The following DAAM1 variants were observed in gnomAD, a reference collection of about 807,000 sequenced individuals.
DAAM1 encodes dishevelled associated activator of morphogenesis 1.
Under a neutral mutation model 130.0 loss-of-function variants are expected in DAAM1, and 52 were observed. The observed-to-expected ratio is 0.40, with a 90% CI of 0.32 to 0.50. The LOEUF is 0.50. DAAM1 is among the 20% of genes least tolerant of loss of function. The pLI is 0.61. For synonymous variants in DAAM1, 452 were observed against 444.5 expected, an observed-to-expected ratio of 1.02 and a Z score of -0.21; for missense variants, 1,134 against 1,303.8, an observed-to-expected ratio of 0.87 and a Z score of 2.01.
intron 1 of DAAM1, among the ~76,000 whole-genome samples, chr14:59,226,721 A>G (rs749944034): frequency 6.6e-6 from 1 of 152,156 alleles, no homozygotes; most frequent in African/African-American, 2.4e-5. Flanking sequence ...CTGCCTTTTC[A>G]TTTTTGCTGA....
chr14:59,229,700 GT>G (rs1889045251), intron 1 of DAAM1, among the ~76,000 whole-genome samples: 1 of 152,190 alleles, frequency 6.6e-6, no homozygotes, highest in Non-Finnish European at 1.5e-5. Flanking sequence ...AAATAAAGTA[GT>G]GTAAAACCTG....
At chr14:59,232,739 C>G (rs1015167789) in intron 1 of DAAM1, among the ~76,000 whole-genome samples, 10 of 151,358 alleles carry the variant, frequency 6.6e-5, no homozygotes, top group African/African-American at 2.2e-4. Context: ...AACCTGTCAT[C>G]GAGGTTTTGA....
At chr14:59,197,634 A>G (rs2139386758) in intron 1 of DAAM1, among the ~76,000 whole-genome samples, 1 of 152,350 alleles carries the variant, frequency 6.6e-6, no homozygotes, top group East Asian at 1.9e-4. Flanking sequence ...CTTGCCTATG[A>G]TATTTTCTGC....
At chr14:59,257,528 C>T (rs917087273) in intron 1 of DAAM1, among the ~76,000 whole-genome samples, 1 of 152,072 alleles carries the variant, frequency 6.6e-6, no homozygotes. Context: ...AGGAAGACAC[C>T]GCAGGCTGAG....
At chr14:59,260,024 A>G (rs945172751) in intron 1 of DAAM1, among the ~76,000 whole-genome samples, 2 of 152,188 alleles carry the variant, frequency 1.3e-5, no homozygotes, top group African/African-American at 4.8e-5. Context: ...AGCCTGGGCA[A>G]CAGAGCAAGA....
chr14:59,213,118 C>G (rs1416435789), intron 1 of DAAM1, among the ~76,000 whole-genome samples: 4 of 151,320 alleles, frequency 2.6e-5, no homozygotes, highest in Admixed American at 6.6e-5. Flanking sequence ...AGTTAAAGTT[C>G]TAAAGACGTA....
chr14:59,363,424 T>G, intron 22 of DAAM1: 3 of 461,596 alleles, frequency 6.5e-6, no homozygotes, highest in East Asian at 4.1e-5. Flanking sequence ...AGTACTTAGA[T>G]TGTTGGTAAA....
intron 1 of DAAM1, among the ~76,000 whole-genome samples, chr14:59,195,880 G>C (rs117377336): frequency 6.9e-6 from 1 of 145,964 alleles, no homozygotes; most frequent in South Asian, 2.1e-4. Context: ...GATTTTTTCT[G>C]TATCTTTTTT....
intron 1 of DAAM1, among the ~76,000 whole-genome samples, chr14:59,263,065 T>C (rs773351489): frequency 6.6e-6 from 1 of 152,206 alleles, no homozygotes; most frequent in Non-Finnish European, 1.5e-5. Flanking sequence ...GGAAGAGATC[T>C]CCTAGGGGGC....
In DAAM1 at chr14:59,263,624, T is replaced by C. The variant is rs34733575; in HGVS notation, c.147T>C (p.Pro49=). 2,231 of 1,614,138 alleles carry C rather than the reference T, an allele frequency of 1.4e-3. 34 individuals carry two copies. In the African/African-American group the frequency reaches 0.026, roughly 19 times the overall value. Residue 49 remains proline (P), a synonymous_variant, in exon 2 of 25, where the codon CCT becomes CCC. Coordinates refer to ENST00000360909, the MANE Select transcript of DAAM1 (RefSeq NM_001270520.2). The stretch of plus-strand genomic sequence containing the variant: ...TGGAACCAGCATTGCCCATGCCCCC[T>C]GTGGAGGAGCTGGATGTCATGTTCA... ...QTMEPALPMP[P]VEELDVMFSE...
At chr14:59,224,460 A>G (rs375910489) in intron 1 of DAAM1, among the ~76,000 whole-genome samples, 183 of 152,324 alleles carry the variant, frequency 1.2e-3, no homozygotes, top group African/African-American at 4.3e-3. Context: ...AGGCAGTTCT[A>G]ATGTCCATTT....
intron 1 of DAAM1, among the ~76,000 whole-genome samples, chr14:59,225,057 C>A (rs1003326771): frequency 1.8e-5 from 2 of 108,802 alleles, no homozygotes; most frequent in African/African-American, 7.5e-5. Context: ...GAGACGGAGT[C>A]TCCTTCTGTT....
At chr14:59,292,932 G>T (rs1341031076) in intron 3 of DAAM1, among the ~76,000 whole-genome samples, 2 of 152,118 alleles carry the variant, frequency 1.3e-5, no homozygotes, top group African/African-American at 4.8e-5. Context: ...CATGGCTCAA[G>T]AAACAAATAT....
intron 19 of DAAM1, 88 bp from the exon 20 acceptor site, chr14:59,355,077 G>A (rs897199320): frequency 1.0e-5 from 15 of 1,503,372 alleles, no homozygotes; most frequent in South Asian, 1.3e-5. Context: ...TATTAAGTGT[G>A]TGAATTTAGA....
At chr14:59,339,090 A>T (rs1381160384) in intron 15 of DAAM1, among the ~76,000 whole-genome samples, 10 of 152,210 alleles carry the variant, frequency 6.6e-5, no homozygotes, top group Non-Finnish European at 2.9e-5. Flanking sequence ...AGTACGTAGA[A>T]TTTTTAGAAC....
Position 59,241,432 on chromosome 14 carries a change from G to A in DAAM1, c.-37-22009G>A, listed in dbSNP as rs569711159. Among the ~76,000 whole-genome samples the A allele has an allele frequency of 3.3e-5, 5 of 152,242 alleles. No homozygotes were observed. The South Asian group carries it at 1.0e-3, about 32-fold the overall frequency. ...AGGAAAACATTGGTTTTTGAGACTT[G>A]GCTAAAATTATCTGTGTTTTTTAAA... On this transcript the variant is annotated intron_variant, in intron 1 of 24. Coordinates refer to ENST00000360909, the MANE Select transcript of DAAM1 (RefSeq NM_001270520.2).
At chr14:59,354,137 TGC>T (rs1886387656) in intron 19 of DAAM1, among the ~76,000 whole-genome samples, 173 bp downstream of exon 19, 1 of 151,674 alleles carries the variant, frequency 6.6e-6, no homozygotes, top group South Asian at 2.1e-4. Flanking sequence ...CTTGGCTCAG[TGC>T]AAGCTCCGCC....
At chr14:59,285,298 C>G (rs1171569854) in intron 2 of DAAM1, among the ~76,000 whole-genome samples, 1 of 152,106 alleles carries the variant, frequency 6.6e-6, no homozygotes, top group Non-Finnish European at 1.5e-5. Flanking sequence ...GTTACAAGAT[C>G]TACTAAAGGG....
At position 59,324,233 on chromosome 14, in the gene DAAM1, G is replaced by C; in HGVS notation, c.880G>C (p.Gly294Arg). 1 of 1,443,252 alleles carries C rather than the reference G, an allele frequency of 6.9e-7. No homozygotes were observed. The allele number at this position is 1,443,252 out of a possible 1,614,324, so 89.4% of individuals were successfully genotyped here. A position where few individuals can be genotyped will look rare whatever the true frequency, so the allele number is the denominator to read the frequency against. ...FINAVLSQGAGVESLDFRLHL... is the reference protein window; with the variant it reads ...FINAVLSQGARVESLDFRLHL... ...TAATGCAGTGCTCAGCCAAGGTGCA[G>C]GAGTGGTAAGAACCTTCTACAAATT... Residue 294 changes from glycine (G) to arginine (R), a missense_variant, in exon 7 of 25, where the codon GGA (glycine) becomes CGA (arginine). This residue lies in a region of DAAM1 where 391 missense variants were observed against 521.6 expected (regional missense o/e 0.75). Transcript: ENST00000360909.
Sources: allele counts gnomAD v4.1 joint callset (sites outside exome capture counted in the v4.1 genomes callset), GRCh38; gene constraint gnomAD v4.1.1; regional missense constraint gnomAD v4.1.1; transcripts MANE v1.5; gene names NCBI Gene and HGNC (gene_info 2026-07-23, HGNC 2026-07-21).